The following FSTL5 variants were observed in gnomAD, a reference collection of about 807,000 sequenced individuals.
FSTL5 encodes follistatin like 5, also known as follistatin-related protein 5.
Under a neutral mutation model 89.1 loss-of-function variants are expected in FSTL5, and 62 were observed. The observed-to-expected ratio is 0.70, with a 90% confidence interval of 0.57 to 0.86. FSTL5 has a LOEUF of 0.86. FSTL5 is among the 40% of genes least tolerant of loss of function. The pLI, the probability that FSTL5 is intolerant of heterozygous loss-of-function variation, is 0.00. For missense variants in FSTL5, 1,057 were observed against 1,001.6 expected (o/e 1.06, Z -0.75); for synonymous variants, 383 against 346.2 (o/e 1.11, Z -1.18).
intron 1 of FSTL5, among the ~76,000 whole-genome samples, chr4:162,144,626 C>A (rs1732898123): frequency 6.6e-6 from 1 of 151,950 alleles, no homozygotes; most frequent in Admixed American, 6.6e-5. Context: ...TTGTAAACAT[C>A]AAGAACATCA....
chr4:162,122,517 A>C (rs17041982), intron 1 of FSTL5, among the ~76,000 whole-genome samples: 33,409 of 151,938 alleles, frequency 0.22, 3,957 homozygotes, highest in African/African-American at 0.26. Context: ...TAAAACTACA[A>C]GTTTGTTATG....
chr4:162,042,439 AAGACAT>A (rs1738000368), intron 2 of FSTL5, among the ~76,000 whole-genome samples: 2 of 152,216 alleles, frequency 1.3e-5, no homozygotes, highest in Admixed American at 6.5e-5. Context: ...GGACTCATGA[AAGACAT>A]AGACACACTG....
chr4:162,034,801 T>A (rs1405579212), intron 2 of FSTL5, among the ~76,000 whole-genome samples: 1 of 152,122 alleles, frequency 6.6e-6, no homozygotes, highest in Non-Finnish European at 1.5e-5. Flanking sequence ...TAATCCACAA[T>A]TTAGAATTTG....
intron 3 of FSTL5, among the ~76,000 whole-genome samples, chr4:161,929,685 G>GTGTGTGTATA (rs139052906): frequency 0.032 from 4,793 of 149,162 alleles, 221 homozygotes; most frequent in African/African-American, 0.1. Context: ...GTGTGTGTGT[G>GTGTGTGTATA]TGTGTGTGTG....
intron 4 of FSTL5, among the ~76,000 whole-genome samples, chr4:161,822,102 T>A (rs2126851625): frequency 6.6e-6 from 1 of 152,286 alleles, no homozygotes; most frequent in Non-Finnish European, 1.5e-5. Context: ...ATCTACTATT[T>A]TTTTTTTCAT....
Position 161,744,194 on chromosome 4 carries a change from C to T in FSTL5, c.727+15217G>A, listed in dbSNP as rs144841245. On this transcript the variant is annotated intron_variant, in intron 6 of 15. Transcript: ENST00000306100. Reference sequence around the variant, plus strand: ...AGGGATGCATAAGGAATGAGCACATCACTATGACGACTTTTTTGGACAGTA... The same window carrying T: ...AGGGATGCATAAGGAATGAGCACATTACTATGACGACTTTTTTGGACAGTA... 5.9e-5 allele frequency among the ~76,000 whole-genome samples: 9 copies of T among 152,128 alleles called. 1 individual carries two copies. Among genetic ancestry groups the T allele is most frequent in the Middle Eastern group, 3.4e-3 (1 of 294 alleles).
At chr4:161,524,648 A>G (rs537443070) in intron 10 of FSTL5, among the ~76,000 whole-genome samples, 60 of 152,216 alleles carry the variant, frequency 3.9e-4, no homozygotes, top group African/African-American at 1.4e-3. Flanking sequence ...CACAAAGTTA[A>G]CCAAACCCAC....
At chr4:161,616,690 C>T (rs1016413246) in intron 7 of FSTL5, among the ~76,000 whole-genome samples, 4 of 151,674 alleles carry the variant, frequency 2.6e-5, no homozygotes, top group African/African-American at 9.7e-5. Flanking sequence ...AGATTGTGGC[C>T]TATTGGGGGT....
At chr4:161,522,714 C>T (rs2126518160) in intron 10 of FSTL5, among the ~76,000 whole-genome samples, 1 of 151,594 alleles carries the variant, frequency 6.6e-6, no homozygotes, top group Non-Finnish European at 1.5e-5. Context: ...TGAAATGTTT[C>T]ATGTGAATTT....
At position 161,587,537 on chromosome 4, in the gene FSTL5, A is replaced by G; in HGVS notation, c.933T>C (p.Val311=). The change falls in exon 8 of 16, where the codon GTT becomes GTC. Residue 311 remains valine, a synonymous_variant. Coordinates refer to ENST00000306100, the MANE Select transcript of FSTL5 (RefSeq NM_020116.5). ...GDDGSLYITK[V]TTTHVGNYTC... The stretch of plus-strand genomic sequence containing the variant: ...TGTAATTGCCAACGTGAGTTGTGGT[A>G]ACCTTAGTAATATACAAGGACCCAT... The G allele has an allele frequency of 6.2e-7, 1 of 1,611,282 alleles. No homozygotes were observed. Among genetic ancestry groups the G allele is most frequent in the Non-Finnish European group, 8.5e-7 (1 of 1,177,652 alleles).
chr4:161,611,008 G>C (rs951974963), intron 7 of FSTL5, among the ~76,000 whole-genome samples: 1 of 151,012 alleles, frequency 6.6e-6, no homozygotes, highest in Admixed American at 6.6e-5. Context: ...ATAATTAATG[G>C]CAACATTACT....
At chr4:161,556,190 T>C (rs1732385227) in intron 8 of FSTL5, among the ~76,000 whole-genome samples, 4 of 151,660 alleles carry the variant, frequency 2.6e-5, no homozygotes, top group South Asian at 4.1e-4. Flanking sequence ...AGTGTGTTTG[T>C]ATATATATAC....
chr4:161,916,095 A>C (rs1057429240), intron 4 of FSTL5, among the ~76,000 whole-genome samples: 1 of 152,198 alleles, frequency 6.6e-6, no homozygotes, highest in African/African-American at 2.4e-5. Context: ...ATTATGCCTC[A>C]AAAATGGAAA....
chr4:162,050,958 C>G (rs1578987637), intron 2 of FSTL5, among the ~76,000 whole-genome samples: 1 of 151,208 alleles, frequency 6.6e-6, no homozygotes, highest in East Asian at 1.9e-4. Context: ...GAAATAAAAC[C>G]TAATGTAACA....
At chr4:161,472,679 T>A (rs1733988638) in intron 13 of FSTL5, among the ~76,000 whole-genome samples, 1 of 152,158 alleles carries the variant, frequency 6.6e-6, no homozygotes, top group Non-Finnish European at 1.5e-5. Flanking sequence ...TATTATGGAT[T>A]TCTACTTCCA....
chr4:161,788,436 T>C (rs779086849), intron 4 of FSTL5, among the ~76,000 whole-genome samples: 77 of 152,204 alleles, frequency 5.1e-4, no homozygotes, highest in Admixed American at 6.5e-4. Flanking sequence ...CAGCCTCTGA[T>C]AGTTGTTCCA....
At chr4:161,898,650 G>A (rs1413556367) in intron 4 of FSTL5, among the ~76,000 whole-genome samples, 64 of 110,134 alleles carry the variant, frequency 5.8e-4, no homozygotes, top group African/African-American at 2.2e-3. Flanking sequence ...TTTTTTTTGA[G>A]ACGGAGTCTC....
intron 1 of FSTL5, among the ~76,000 whole-genome samples, chr4:162,119,230 TAA>T (rs35645704): frequency 4.7e-4 from 67 of 142,656 alleles, no homozygotes; most frequent in Middle Eastern, 3.6e-3. Flanking sequence ...CTATCTCTCT[TAA>T]AAAAAAAAAA....
chr4:161,621,267 T>C (rs1445045885), intron 7 of FSTL5, among the ~76,000 whole-genome samples: 1 of 146,078 alleles, frequency 6.8e-6, no homozygotes, highest in African/African-American at 2.5e-5. Context: ...ATGTAAAGAC[T>C]ACACACACAC....
Sources: allele counts gnomAD v4.1 joint callset (sites outside exome capture counted in the v4.1 genomes callset), GRCh38; gene constraint gnomAD v4.1.1; transcripts MANE v1.5; gene names NCBI Gene and HGNC (gene_info 2026-07-23, HGNC 2026-07-21).